HLA-DQB1: variants seen among roughly 807,000 people sequenced by gnomAD.
HLA-DQB1 encodes the protein major histocompatibility complex, class II, DQ beta 1, also known as HLA class II histocompatibility antigen, DQ beta 1 chain.
A neutral mutation model predicts 26.4 loss-of-function variants in HLA-DQB1; 13 were observed. The ratio of observed to expected loss-of-function variants is 0.49; its 90% CI spans 0.32 to 0.78. HLA-DQB1 has a LOEUF of 0.78. Ranked by LOEUF, HLA-DQB1 falls within the 30% of genes least tolerant of loss-of-function variation. HLA-DQB1 has a pLI of 0.03. For synonymous variants in HLA-DQB1, 60 were observed against 129.1 expected (o/e 0.46, Z 3.63); for missense variants, 158 against 326.2 (o/e 0.48, Z 3.97).
chr6:32,660,769 AC>A, intron 4 of HLA-DQB1: 1 of 723,326 alleles, frequency 1.4e-6, no homozygotes, highest in East Asian at 4.0e-5. Flanking sequence ...TAGGCCATGA[AC>A]ATGGACCACT....
At chr6:32,660,593 A>G in intron 4 of HLA-DQB1, 1 of 392,758 alleles carries the variant, frequency 2.5e-6, no homozygotes. Flanking sequence ...ATCATGTGGC[A>G]CAAAGTGGGC....
At chr6:32,660,660 A>T in intron 4 of HLA-DQB1, 1 of 427,966 alleles carries the variant, frequency 2.3e-6, no homozygotes, top group Non-Finnish European at 4.2e-6. Flanking sequence ...TCACAAGAAG[A>T]TGCCACCAAA....
intron 1 of HLA-DQB1, among the ~76,000 whole-genome samples, chr6:32,665,579 T>G (rs796928632): frequency 0.41 from 45,646 of 112,226 alleles, 12,763 homozygotes; most frequent in Middle Eastern, 0.56. Context: ...CCAAGTCCCG[T>G]TGAGGTTCAC....
chr6:32,660,635 T>C, intron 4 of HLA-DQB1: 1 of 431,090 alleles, frequency 2.3e-6, no homozygotes, highest in Non-Finnish European at 4.2e-6. Flanking sequence ...TAAGCTGTGG[T>C]TCTGGCTCCA....
rs41263814 is a variant in HLA-DQB1 at position 32,664,490 on chromosome 6, T to C, written c.379+308A>G. On this transcript the variant is annotated intron_variant, in intron 2 of 4. Coordinates refer to ENST00000434651, the Ensembl canonical transcript of HLA-DQB1. ...GGCAGAGAGAACTGCTTAGCGAAGGTAAGGTACGAGGAGGCAAACACATAA... is the reference window on the plus strand; with the variant it reads ...GGCAGAGAGAACTGCTTAGCGAAGGCAAGGTACGAGGAGGCAAACACATAA... The C allele has an allele frequency of 3.8e-3, 614 of 160,248 alleles. 6 individuals carry two copies. The highest frequency in any genetic ancestry group is 0.014 in the Middle Eastern group (5 of 352). 9.9% of individuals were successfully genotyped at this position (160,248 alleles called of 1,614,324 possible). A position where few individuals can be genotyped will look rare whatever the true frequency, so the allele number is the denominator to read the frequency against.
intron 1 of HLA-DQB1, among the ~76,000 whole-genome samples, chr6:32,665,564 C>A (rs76141774): frequency 0.085 from 8,261 of 96,882 alleles, 1,466 homozygotes; most frequent in Admixed American, 0.13. Context: ...CCTAGATTTA[C>A]CCTCCCAAGT....
chr6:32,664,078 T>TTATCCTCTGG (rs1381205563), intron 2 of HLA-DQB1: 1 of 87,878 alleles, frequency 1.1e-5, no homozygotes, highest in African/African-American at 3.8e-5. Context: ...AAGCCTCTGT[T>TTATCCTCTGG]TTTTTCTTGA....
At chr6:32,665,249 C>G (rs9274426) in intron 1 of HLA-DQB1, among the ~76,000 whole-genome samples, 182 bp from the exon 2 acceptor site, 49,187 of 85,104 alleles carry the variant, frequency 0.58, 11,655 homozygotes, top group East Asian at 0.75. Context: ...GCCTTCTTTG[C>G]GGGCTTCTGG....
chr6:32,666,075 A>G (rs9274488), intron 1 of HLA-DQB1, among the ~76,000 whole-genome samples: 73,990 of 104,366 alleles, frequency 0.71, 27,341 homozygotes, highest in East Asian at 0.89. Context: ...CCTCAAATAC[A>G]GAGACTACAG....
chr6:32,660,831 C>G, intron 4 of HLA-DQB1: 1 of 1,337,594 alleles, frequency 7.5e-7, no homozygotes, highest in Non-Finnish European at 1.0e-6. Flanking sequence ...CTGTGCCTCC[C>G]CACACTGGAT....
intron 2 of HLA-DQB1, chr6:32,662,885 C>CCT (rs1783303447): frequency 6.8e-6 from 1 of 147,412 alleles, no homozygotes; most frequent in Non-Finnish European, 1.5e-5. Context: ...TACTCCATTT[C>CCT]CTTGCTATTG....
At chr6:32,665,577 C>G (rs281874778) in intron 1 of HLA-DQB1, among the ~76,000 whole-genome samples, 2 of 79,694 alleles carry the variant, frequency 2.5e-5, no homozygotes, top group African/African-American at 8.3e-5. Flanking sequence ...TCCCAAGTCC[C>G]GTTGAGGTTC....
intron 1 of HLA-DQB1, 72 bp downstream of exon 1, chr6:32,666,427 C>G (rs1582111142): frequency 6.8e-6 from 2 of 296,134 alleles, no homozygotes; most frequent in Admixed American, 7.2e-5. Flanking sequence ...AGATCACCAT[C>G]CCCCATACCC....
At chr6:32,665,098 C>CCCCGGCCCGGT in intron 1 of HLA-DQB1, 31 bp from the exon 2 acceptor site, 3 of 1,113,832 alleles carry the variant, frequency 2.7e-6, no homozygotes, top group Non-Finnish European at 3.7e-6. Context: ...GTCAGTCAGG[C>CCCCGGCCCGGT]CCCAGCCCGG....
At chr6:32,666,158 T>G (rs116617461) in intron 1 of HLA-DQB1, among the ~76,000 whole-genome samples, 25,756 of 146,820 alleles carry the variant, frequency 0.18, 2,511 homozygotes, top group South Asian at 0.22. Context: ...GGGGCACGCC[T>G]AAATGACAAA....
At chr6:32,666,527 G>C (rs574506463) in exon 1 of HLA-DQB1, 3 of 1,158,884 alleles carry the variant, frequency 2.6e-6, no homozygotes, top group Non-Finnish European at 3.8e-6. Flanking sequence ...CAGCCAGTAG[G>C]GAGCTCAGCA....
At chr6:32,666,415 A>G (rs9274512) in intron 1 of HLA-DQB1, 84 bp downstream of exon 1, 263,343 of 489,030 alleles carry the variant, frequency 0.54, 80,780 homozygotes, top group South Asian at 0.7. Flanking sequence ...CCAAGATCAT[A>G]GAGATCACCA....
intron 2 of HLA-DQB1, chr6:32,663,502 T>G (rs281874993): frequency 1.1e-5 from 1 of 89,864 alleles, no homozygotes; most frequent in African/African-American, 3.9e-5. Context: ...CCTTAGACTC[T>G]ACATATGTGT....
exon 5 of HLA-DQB1, chr6:32,660,178 G>T: frequency 2.6e-6 from 2 of 770,808 alleles, no homozygotes; most frequent in South Asian, 1.8e-5. Context: ...TTCTGGGCAG[G>T]CATAAGCAGG....
Sources: allele counts gnomAD v4.1 joint callset (sites outside exome capture counted in the v4.1 genomes callset), GRCh38; gene constraint gnomAD v4.1.1; transcripts MANE v1.5; gene names NCBI Gene and HGNC (gene_info 2026-07-23, HGNC 2026-07-21).